TNRC18: variants seen among roughly 807,000 people sequenced by gnomAD.
TNRC18 encodes trinucleotide repeat containing 18.
In TNRC18, 69 loss-of-function variants were observed where a neutral mutation model predicts 226.7. That is an observed-to-expected ratio of 0.30 (90% CI 0.25 to 0.37). The LOEUF is 0.37. Ranked by LOEUF, TNRC18 falls within the 10% of genes least tolerant of loss-of-function variation. The probability of loss-of-function intolerance (pLI) is 1.00; values close to 1 mark genes in which losing one functional copy is unlikely to be tolerated. For synonymous variants in TNRC18, 2,449 were observed against 1,927.6 expected, an observed-to-expected ratio of 1.27 and a Z score of -7.09; for missense variants, 4,754 against 4,256.6, an observed-to-expected ratio of 1.12 and a Z score of -3.25.
At chr7:5,390,704 A>G (rs1780229961) in intron 3 of TNRC18, 76 bp from the exon 4 acceptor site, 3 of 1,433,412 alleles carry the variant, frequency 2.1e-6, no homozygotes. Flanking sequence ...GCTCCTGGAA[A>G]TAAACTATTT....
chr7:5,336,841 G>C (rs1202757928), intron 18 of TNRC18, among the ~76,000 whole-genome samples: 1 of 152,214 alleles, frequency 6.6e-6, no homozygotes, highest in Non-Finnish European at 1.5e-5. Context: ...TAAGAGAAAA[G>C]TAAGCGAGTG....
chr7:5,311,197 CGTGT>C lies in TNRC18; in HGVS notation c.8388+1302_8388+1305del, dbSNP rs911278112. ...ATGTGTACATGTGCACACATATGTG[CGTGT>C]GTGTGTGCATGTGCCCATGCTTTTG... On this transcript the variant is annotated intron_variant, in intron 27 of 29. Transcript: ENST00000430969. Among the ~76,000 whole-genome samples, 11 of 151,856 alleles carry C rather than the reference CGTGT, an allele frequency of 7.2e-5. No homozygotes were observed. The East Asian group carries it at 7.8e-4, about 11-fold the overall frequency.
chr7:5,349,949 C>T (rs1440334947), intron 17 of TNRC18, among the ~76,000 whole-genome samples: 1 of 152,220 alleles, frequency 6.6e-6, no homozygotes, highest in Non-Finnish European at 1.5e-5. Context: ...CCCGCACTCC[C>T]CTATCTGGGT....
At chr7:5,325,461 T>C (rs955883741) in intron 19 of TNRC18, 1 of 528,640 alleles carries the variant, frequency 1.9e-6, no homozygotes, top group African/African-American at 2.0e-5. Context: ...TCTCGCTCTG[T>C]CACCGAGGCT....
chr7:5,321,204 A>T lies in TNRC18; in HGVS notation c.6443-14T>A. ...AGGAGCGAGGGGCTGCAGGGGTTGG[A>T]TCGTGAGGCGAGGCTGGAGCCGGGG... On this transcript the variant is annotated splice_polypyrimidine_tract_variant and intron_variant, in intron 21 of 29. Transcript: ENST00000430969. The T allele has an allele frequency of 1.3e-6, 2 of 1,528,194 alleles. No homozygotes were observed. Among genetic ancestry groups the T allele is most frequent in the Non-Finnish European group, 1.8e-6 (2 of 1,130,724 alleles). 94.7% of individuals were successfully genotyped at this position (1,528,194 alleles called of 1,614,324 possible). A position where few individuals can be genotyped will look rare whatever the true frequency, so the allele number is the denominator to read the frequency against.
intron 17 of TNRC18, 26 bp from the exon 18 acceptor site, chr7:5,345,836 G>A: frequency 2.6e-6 from 4 of 1,531,750 alleles, no homozygotes; most frequent in South Asian, 1.2e-5. Flanking sequence ...CAGGGACCGA[G>A]TCAGAGCCTT....
intron 11 of TNRC18, among the ~76,000 whole-genome samples, chr7:5,363,034 C>T (rs1409011387): frequency 6.6e-6 from 1 of 152,240 alleles, no homozygotes; most frequent in Admixed American, 6.5e-5. Flanking sequence ...TGGCTCACGC[C>T]TGTAATCCCA....
chr7:5,406,305 A>T (rs1039167023), intron 2 of TNRC18, among the ~76,000 whole-genome samples: 3 of 152,006 alleles, frequency 2.0e-5, no homozygotes, highest in Admixed American at 6.6e-5. Flanking sequence ...TCTACAAAAA[A>T]TACAAAAAAT....
At chr7:5,393,691 C>T (rs544148962) in intron 3 of TNRC18, among the ~76,000 whole-genome samples, 1 of 152,320 alleles carries the variant, frequency 6.6e-6, no homozygotes, top group South Asian at 2.1e-4. Flanking sequence ...CCAGAGAAGA[C>T]AGAGGAGCTT....
At chr7:5,318,244 C>T (rs1198523647) in intron 24 of TNRC18, among the ~76,000 whole-genome samples, 3 of 152,116 alleles carry the variant, frequency 2.0e-5, no homozygotes, top group Non-Finnish European at 2.9e-5. Flanking sequence ...GTTTTGAACT[C>T]CTGGGTTCAA....
chr7:5,393,977 G>C (rs1487142253), intron 3 of TNRC18, among the ~76,000 whole-genome samples: 1 of 152,040 alleles, frequency 6.6e-6, no homozygotes, highest in African/African-American at 2.4e-5. Context: ...CAAACTGTTG[G>C]GATTACAGCT....
intron 2 of TNRC18, among the ~76,000 whole-genome samples, chr7:5,411,065 G>A (rs1205587904): frequency 6.6e-6 from 1 of 151,330 alleles, no homozygotes; most frequent in Non-Finnish European, 1.5e-5. Flanking sequence ...AGAATTACCC[G>A]GGCATGGTGG....
Position 5,376,172 on chromosome 7 carries a change from C to G in TNRC18, c.2661G>C (p.Pro887=). The G allele has an allele frequency of 6.4e-7, 1 of 1,573,400 alleles. No homozygotes were observed. The highest frequency in any genetic ancestry group is 8.6e-7 in the Non-Finnish European group (1 of 1,160,676). ...TVPPLWPALY[P]PGRSPLHHAQ... ...CGTGGTGCAGGGGGCTGCGGCCCGG[C>G]GGGTACAGGGCGGGCCAGAGGGGCG... Residue 887 remains proline (P), a synonymous_variant, in exon 9 of 30, where the codon CCG becomes CCC. Coordinates refer to ENST00000430969, the MANE Select transcript of TNRC18 (RefSeq NM_001080495.3).
chr7:5,379,329 G>A (rs1779234949), intron 5 of TNRC18, among the ~76,000 whole-genome samples: 1 of 151,940 alleles, frequency 6.6e-6, no homozygotes, highest in African/African-American at 2.4e-5. Context: ...GGTCGAGGCT[G>A]CAGTGACTCC....
At position 5,390,891 on chromosome 7, in the gene TNRC18, C is replaced by T. The variant is rs1780248300; in HGVS notation, c.344-263G>A. Among the ~76,000 whole-genome samples the T allele has an allele frequency of 2.0e-5, 3 of 149,600 alleles. No homozygotes were observed. The South Asian group carries it at 6.2e-4, about 31-fold the overall frequency. ...CAGAATGGATCCAACTAGCGGGGCCCGATAACAGCCTACCAAACATGACCA... is the reference window on the plus strand; with the variant it reads ...CAGAATGGATCCAACTAGCGGGGCCTGATAACAGCCTACCAAACATGACCA... On this transcript the variant is annotated intron_variant, in intron 3 of 29. Transcript: ENST00000430969.
intron 2 of TNRC18, among the ~76,000 whole-genome samples, chr7:5,411,170 C>T (rs1249985501): frequency 2.1e-5 from 3 of 142,146 alleles, no homozygotes; most frequent in Non-Finnish European, 4.5e-5. Context: ...GAGCTGAGAT[C>T]GTGCCACTGC....
chr7:5,356,956 G>A lies in TNRC18; in HGVS notation c.5154C>T (p.Ala1718=). 22 of 1,551,504 alleles carry A rather than the reference G, an allele frequency of 1.4e-5. No homozygotes were observed. Among genetic ancestry groups the A allele is most frequent in the Non-Finnish European group, 1.9e-5 (22 of 1,146,814 alleles). The change falls in exon 16 of 30, where the codon GCC becomes GCT. Residue 1718 remains alanine (A), a synonymous_variant. Transcript: ENST00000430969. ...GFKARGQPKS[A]HSPFASEVSS... ...TCACTTCCGAGGCAAACGGGGAATGGGCCGACTTGGGCTGGCCTCTGGCCT... is the reference window on the plus strand; with the variant it reads ...TCACTTCCGAGGCAAACGGGGAATGAGCCGACTTGGGCTGGCCTCTGGCCT...
At position 5,389,461 on chromosome 7, in the gene TNRC18, G is replaced by GTTTTTTTGTTTTTTTTTTTGTTTTT. The variant is rs1554297477; in HGVS notation, c.488-126_488-125insAAAAACAAAAAAAAAAACAAAAAAA. On this transcript the variant is annotated intron_variant, in intron 4 of 29. Coordinates refer to ENST00000430969, the MANE Select transcript of TNRC18 (RefSeq NM_001080495.3). ...TGCCTCCCCCAGTGTTTTGGTTTTGGTTTTTTTTTTCAGAAAGAGTCTCGC... is the reference window on the plus strand; with the variant it reads ...TGCCTCCCCCAGTGTTTTGGTTTTGGTTTTTTTGTTTTTTTTTTTGTTTTTTTTTTTTTTTCAGAAAGAGTCTCGC... 7.3e-4 allele frequency: 411 copies of GTTTTTTTGTTTTTTTTTTTGTTTTT among 565,454 alleles called. 5 individuals are homozygous for GTTTTTTTGTTTTTTTTTTTGTTTTT. The highest frequency in any genetic ancestry group is 6.9e-3 in the African/African-American group (255 of 36,744). 35.0% of individuals were successfully genotyped at this position (565,454 alleles called of 1,614,324 possible).
Position 5,351,955 on chromosome 7 carries a change from G to C in TNRC18, c.5334C>G (p.Thr1778=). 3 of 1,613,908 alleles carry C rather than the reference G, an allele frequency of 1.9e-6. No individual in the cohort carries two copies. Among genetic ancestry groups the C allele is most frequent in the Non-Finnish European group, 2.5e-6 (3 of 1,179,874 alleles). The change falls in exon 17 of 30, where the codon ACC becomes ACG. Residue 1778 remains threonine, a synonymous_variant. Transcript: ENST00000430969. ...NSKAAGGPKL[T]KRGLAAPRTL... ...TCCGGGGGGCCGCCAGGCCCCTCTT[G>C]GTCAGCTTGGGGCCACCAGCTGCCT...
Sources: gnomAD v4.1 joint callset for allele counts (sites outside exome capture counted in the v4.1 genomes callset) on GRCh38, gnomAD v4.1.1 for gene constraint, MANE v1.5 for transcripts, NCBI Gene and HGNC (gene_info 2026-07-23, HGNC 2026-07-21) for gene names.